DLGAP2: variants seen among roughly 807,000 people sequenced by gnomAD.
DLGAP2 encodes DLG associated protein 2.
Under a neutral mutation model 100.3 loss-of-function variants are expected in DLGAP2, and 26 were observed. The ratio of observed to expected loss-of-function variants is 0.26; its 90% CI spans 0.19 to 0.36. The LOEUF (loss-of-function observed/expected upper bound fraction) is 0.36. DLGAP2 is among the 10% of genes least tolerant of loss of function. The pLI, the probability that DLGAP2 is intolerant of heterozygous loss-of-function variation, is 1.00. For missense variants in DLGAP2, 1,858 were observed against 1,453.2 expected (o/e 1.28, Z -4.53); for synonymous variants, 886 against 630.1 (o/e 1.41, Z -6.08).
chr8:766,073 A>G (rs1821207844), intron 1 of DLGAP2, among the ~76,000 whole-genome samples: 1 of 152,176 alleles, frequency 6.6e-6, no homozygotes. Flanking sequence ...AGGCTGAGGC[A>G]GGAGAATTGC....
intron 3 of DLGAP2, among the ~76,000 whole-genome samples, chr8:1,345,450 A>G (rs927501025): frequency 7.2e-5 from 11 of 152,258 alleles, no homozygotes; most frequent in African/African-American, 2.7e-4. Context: ...ATGACAAAAT[A>G]AACAAATGAT....
intron 3 of DLGAP2, among the ~76,000 whole-genome samples, chr8:1,428,433 AGAGT>A (rs773022608): frequency 6.6e-6 from 1 of 152,158 alleles, no homozygotes; most frequent in East Asian, 1.9e-4. Context: ...AGAGAGAGAA[AGAGT>A]GAGTGAGTAT....
At chr8:756,271 GGGC>G (rs1368543461) in intron 1 of DLGAP2, among the ~76,000 whole-genome samples, 2 of 152,170 alleles carry the variant, frequency 1.3e-5, no homozygotes, top group East Asian at 3.9e-4. Context: ...TTTAGCAAGT[GGGC>G]CAGGCATGGT....
At position 1,162,523 on chromosome 8, in the gene DLGAP2, G is replaced by T. The variant is rs116149505; in HGVS notation, c.74-96328G>T. On this transcript the variant is annotated intron_variant, in intron 2 of 14. Transcript: ENST00000637795. ...CATAAATACAGAGAAAATTAAGCAG[G>T]TTTTAAAATGATCAAAATATAAACT... Among the ~76,000 whole-genome samples the T allele has an allele frequency of 5.2e-3, 798 of 152,250 alleles. 11 individuals are homozygous for T. Among genetic ancestry groups the T allele is most frequent in the African/African-American group, 0.018 (753 of 41,534 alleles).
intron 2 of DLGAP2, among the ~76,000 whole-genome samples, chr8:945,562 TACTC>T (rs1473219238): frequency 6.6e-6 from 1 of 152,148 alleles, no homozygotes; most frequent in African/African-American, 2.4e-5. Context: ...TGTCTCTTCT[TACTC>T]AGCCCGGAGA....
chr8:823,221 G>A (rs770982450), intron 1 of DLGAP2, among the ~76,000 whole-genome samples: 3 of 152,126 alleles, frequency 2.0e-5, no homozygotes, highest in Non-Finnish European at 2.9e-5. Context: ...GCCAGACCAA[G>A]TTGCCACCTC....
intron 3 of DLGAP2, among the ~76,000 whole-genome samples, chr8:1,266,100 G>T (rs530659152): frequency 6.6e-6 from 1 of 152,360 alleles, no homozygotes; most frequent in African/African-American, 2.4e-5. Context: ...TCACTGAAGG[G>T]AGTGGGTGTA....
At chr8:1,507,135 A>C (rs1457630054) in intron 4 of DLGAP2, among the ~76,000 whole-genome samples, 1 of 152,234 alleles carries the variant, frequency 6.6e-6, no homozygotes, top group African/African-American at 2.4e-5. Flanking sequence ...GGCCACGGGC[A>C]GAGCTGCCTG....
rs963056973 is a variant in DLGAP2, at chr8:1,208,328, C to T, written c.74-50523C>T. Among the ~76,000 whole-genome samples the T allele has an allele frequency of 6.6e-5, 10 of 152,176 alleles. No individual in the cohort carries two copies. In the East Asian group the frequency reaches 1.5e-3, roughly 23 times the overall value. On this transcript the variant is annotated intron_variant, in intron 2 of 14. Transcript: ENST00000637795. ...CATTTGTTGAATAGGGTGTCCTTTCCCCGCTTATGTTTTTGTTTGGTTTGT... is the reference window on the plus strand; with the variant it reads ...CATTTGTTGAATAGGGTGTCCTTTCTCCGCTTATGTTTTTGTTTGGTTTGT...
chr8:1,204,605 A>T (rs1286808834), intron 2 of DLGAP2, among the ~76,000 whole-genome samples: 3 of 152,078 alleles, frequency 2.0e-5, no homozygotes, highest in Admixed American at 1.3e-4. Flanking sequence ...TTGAGGCCTG[A>T]AGGACAGGAG....
intron 2 of DLGAP2, among the ~76,000 whole-genome samples, chr8:1,170,386 T>C (rs936460654): frequency 2.0e-5 from 3 of 152,138 alleles, no homozygotes; most frequent in Non-Finnish European, 2.9e-5. Flanking sequence ...ATCAGGATGA[T>C]GCTGGCCTCA....
chr8:1,530,139 A>C (rs1186625113), intron 4 of DLGAP2, among the ~76,000 whole-genome samples: 1 of 152,116 alleles, frequency 6.6e-6, no homozygotes. Context: ...TTTGGCAGGA[A>C]TTTCCTCTTC....
At chr8:825,985 C>T (rs952020181) in intron 1 of DLGAP2, among the ~76,000 whole-genome samples, 1 of 151,072 alleles carries the variant, frequency 6.6e-6, no homozygotes, top group African/African-American at 2.4e-5. Flanking sequence ...CCTTTCTTAC[C>T]CTCCACTACC....
At chr8:1,218,806 C>T (rs993550864) in intron 2 of DLGAP2, among the ~76,000 whole-genome samples, 6 of 152,106 alleles carry the variant, frequency 3.9e-5, no homozygotes, top group Admixed American at 1.3e-4. Flanking sequence ...TAATATCTTT[C>T]AGAATTTTGT....
At chr8:1,473,469 C>T (rs957685622) in intron 3 of DLGAP2, among the ~76,000 whole-genome samples, 10 of 152,264 alleles carry the variant, frequency 6.6e-5, no homozygotes, top group African/African-American at 2.4e-4. Context: ...TGGCTGCTTG[C>T]AGTTTGATTC....
intron 2 of DLGAP2, among the ~76,000 whole-genome samples, chr8:1,094,299 T>A (rs1804294432): frequency 6.6e-6 from 1 of 152,238 alleles, no homozygotes; most frequent in African/African-American, 2.4e-5. Context: ...GCATTTTAAC[T>A]TTAATTATGT....
intron 4 of DLGAP2, among the ~76,000 whole-genome samples, chr8:1,529,509 G>A (rs1326350841): frequency 6.6e-6 from 1 of 152,184 alleles, no homozygotes; most frequent in Non-Finnish European, 1.5e-5. Flanking sequence ...TTCATCATAT[G>A]CTGAGAAAAA....
chr8:1,368,750 G>A (rs984358651), intron 3 of DLGAP2: 9 of 152,162 alleles, frequency 5.9e-5, no homozygotes, highest in African/African-American at 1.9e-4. Context: ...ATTATCTGCT[G>A]ACTCCAGAAA....
rs559500057 is a variant in DLGAP2, at chr8:1,549,369, G to A, written c.916G>A (p.Asp306Asn). 1.1e-5 allele frequency: 17 copies of A among 1,613,444 alleles called. No individual in the cohort carries two copies. The highest frequency in any genetic ancestry group is 1.3e-5 in the African/African-American group (1 of 75,050). The stretch of plus-strand genomic sequence containing the variant: ...GAGCTCGGACGACAACCTGGACAGC[G>A]ACAGCACCTATCGGACGCCCAGCGT... The part of the protein sequence containing the change: ...WWSSDDNLDS[D>N]STYRTPSVLN... The change falls in exon 5 of 15, where the codon GAC (aspartate) becomes AAC (asparagine). Residue 306 changes from aspartate (D) to asparagine (N), a missense_variant. Coordinates refer to ENST00000637795, the MANE Select transcript of DLGAP2 (RefSeq NM_001346810.2).
Sources: gnomAD v4.1 joint callset for allele counts (sites outside exome capture counted in the v4.1 genomes callset) on GRCh38, gnomAD v4.1.1 for gene constraint, MANE v1.5 for transcripts, NCBI Gene and HGNC (gene_info 2026-07-23, HGNC 2026-07-21) for gene names.